GLUD1: variants seen among roughly 807,000 people sequenced by gnomAD.
GLUD1 encodes the protein glutamate dehydrogenase 1, also known as glutamate dehydrogenase 1, mitochondrial.
In GLUD1, 22 loss-of-function variants were observed where a neutral mutation model predicts 56.0. The ratio of observed to expected loss-of-function variants is 0.39; its 90% CI spans 0.28 to 0.56. GLUD1 has a LOEUF of 0.56. GLUD1 is among the 20% of genes least tolerant of loss of function. The pLI is 0.58. For synonymous variants in GLUD1, 223 were observed against 269.9 expected (o/e 0.83, Z 1.70); for missense variants, 451 against 732.0 (o/e 0.62, Z 4.43).
chr10:87,088,517 G>A (rs543190689), intron 1 of GLUD1, among the ~76,000 whole-genome samples: 2 of 151,856 alleles, frequency 1.3e-5, no homozygotes, highest in East Asian at 1.9e-4. Context: ...TTATTTCTTT[G>A]CTCTTTCTCT....
intron 6 of GLUD1, among the ~76,000 whole-genome samples, chr10:87,061,562 T>C (rs1277448044): frequency 2.0e-5 from 3 of 152,116 alleles, no homozygotes; most frequent in Non-Finnish European, 2.9e-5. Flanking sequence ...TCCTCAGTCC[T>C]TGATGATCAG....
At chr10:87,081,791 C>A (rs1464017124) in intron 1 of GLUD1, among the ~76,000 whole-genome samples, 1 of 151,312 alleles carries the variant, frequency 6.6e-6, no homozygotes, top group Non-Finnish European at 1.5e-5. Context: ...ATCTCAAGTA[C>A]CCAGGGACAC....
At chr10:87,080,484 G>C (rs2133838311) in intron 1 of GLUD1, among the ~76,000 whole-genome samples, 1 of 150,636 alleles carries the variant, frequency 6.6e-6, no homozygotes, top group South Asian at 2.1e-4. Flanking sequence ...ATCCCATCTA[G>C]GAAGTGAGGA....
intron 6 of GLUD1, 88 bp from the exon 7 acceptor site, chr10:87,061,140 CTGTT>C (rs1406917905): frequency 3.4e-5 from 42 of 1,228,612 alleles, no homozygotes; most frequent in Non-Finnish European, 5.0e-5. Flanking sequence ...AATCCATACT[CTGTT>C]TATTTAGAAG....
intron 1 of GLUD1, chr10:87,089,916 G>A (rs1017024961): frequency 6.4e-6 from 1 of 157,032 alleles, no homozygotes. Context: ...TTTTCATTTT[G>A]TAACTTTCGT....
At chr10:87,088,594 T>G (rs977981049) in intron 1 of GLUD1, among the ~76,000 whole-genome samples, 1 of 152,150 alleles carries the variant, frequency 6.6e-6, no homozygotes, top group Non-Finnish European at 1.5e-5. Flanking sequence ...CAAAATATCT[T>G]TTAAAAGTCC....
intron 1 of GLUD1, among the ~76,000 whole-genome samples, chr10:87,080,886 G>A (rs1841219015): frequency 6.7e-6 from 1 of 149,638 alleles, no homozygotes; most frequent in Non-Finnish European, 1.5e-5. Context: ...GCCCCGTCCG[G>A]GAGGTGAGGG....
At chr10:87,067,016 T>G (rs192992466) in intron 5 of GLUD1, among the ~76,000 whole-genome samples, 1 of 152,348 alleles carries the variant, frequency 6.6e-6, no homozygotes, top group South Asian at 2.1e-4. Context: ...CTCTGTCATG[T>G]GCCTCACATG....
chr10:87,060,262 T>C (rs371850058), intron 8 of GLUD1, 21 bp from the exon 9 acceptor site: 379 of 1,540,132 alleles, frequency 2.5e-4, no homozygotes, highest in Non-Finnish European at 3.2e-4. Flanking sequence ...GTCAGGAACA[T>C]AGAGAAATGC....
chr10:87,084,718 T>G (rs1841341361), intron 1 of GLUD1, among the ~76,000 whole-genome samples: 1 of 152,182 alleles, frequency 6.6e-6, no homozygotes, highest in Admixed American at 6.5e-5. Context: ...ACTCTCTCAC[T>G]TTTCAGGAAC....
rs532840081 is a variant in GLUD1 at position 87,052,126 on chromosome 10, G to C, written c.1558-256C>G. ...GCACTTTGGGAGGCCGACGTAGGCA[G>C]ATCACTTGAGCTCAGGAGTTCAAGA... On this transcript the variant is annotated intron_variant, in intron 12 of 12. Coordinates refer to ENST00000277865, the MANE Select transcript of GLUD1 (RefSeq NM_005271.5). Among the ~76,000 whole-genome samples, 3 of 152,254 alleles carry C rather than the reference G, an allele frequency of 2.0e-5. No individual in the cohort carries two copies. The East Asian group carries it at 5.8e-4, about 29-fold the overall frequency.
At chr10:87,063,728 A>G (rs764230944) in intron 5 of GLUD1, among the ~76,000 whole-genome samples, 2 of 152,162 alleles carry the variant, frequency 1.3e-5, no homozygotes, top group African/African-American at 4.8e-5. Context: ...TAGAGTAACG[A>G]AAGTATTTAA....
intron 4 of GLUD1, among the ~76,000 whole-genome samples, chr10:87,073,291 C>A (rs1846291159): frequency 6.6e-6 from 1 of 152,082 alleles, no homozygotes; most frequent in East Asian, 1.9e-4. Context: ...GTAGTTGGGA[C>A]CACAGGCATG....
chr10:87,064,372 G>A (rs1846020742), intron 5 of GLUD1, among the ~76,000 whole-genome samples: 1 of 152,138 alleles, frequency 6.6e-6, no homozygotes, highest in South Asian at 2.1e-4. Context: ...ACTCATCGGT[G>A]GAGCAGGAGA....
At chr10:87,069,320 G>T (rs1846159319) in intron 4 of GLUD1, among the ~76,000 whole-genome samples, 1 of 151,856 alleles carries the variant, frequency 6.6e-6, no homozygotes, top group Admixed American at 6.6e-5. Flanking sequence ...TTTGAGACCA[G>T]CCTGACCAAC....
intron 1 of GLUD1, among the ~76,000 whole-genome samples, chr10:87,080,939 T>C (rs1392194632): frequency 1.5e-5 from 2 of 135,816 alleles, no homozygotes; most frequent in Admixed American, 7.4e-5. Flanking sequence ...GAGGAGCCCC[T>C]CTGCCCAGCC....
At chr10:87,052,668 T>TTAAAAAAAA (rs1285140190) in intron 12 of GLUD1, among the ~76,000 whole-genome samples, 2 of 16,538 alleles carry the variant, frequency 1.2e-4, no homozygotes, top group African/African-American at 2.6e-4. Context: ...AAACTCCGTC[T>TTAAAAAAAA]CAAAAAAAAA....
chr10:87,064,954 CAA>C (rs1846034157), intron 5 of GLUD1, among the ~76,000 whole-genome samples: 1 of 152,098 alleles, frequency 6.6e-6, no homozygotes, highest in African/African-American at 2.4e-5. Flanking sequence ...GGGGCTAGGA[CAA>C]AGAGGGCGGC....
intron 4 of GLUD1, among the ~76,000 whole-genome samples, chr10:87,068,596 T>A: frequency 6.6e-6 from 1 of 152,194 alleles, no homozygotes; most frequent in East Asian, 1.9e-4. Context: ...TGCTGCTTAG[T>A]GGGGGTATAA....
Sources: gnomAD v4.1 joint callset for allele counts (sites outside exome capture counted in the v4.1 genomes callset) on GRCh38, gnomAD v4.1.1 for gene constraint, MANE v1.5 for transcripts, NCBI Gene and HGNC (gene_info 2026-07-23, HGNC 2026-07-21) for gene names.